GABRA2: variants seen among roughly 807,000 people sequenced by gnomAD.
GABRA2 encodes the protein gamma-aminobutyric acid receptor subunit alpha-2.
In GABRA2, 16 loss-of-function variants were observed where a neutral mutation model predicts 48.7. That is an observed-to-expected ratio of 0.33 (90% CI 0.22 to 0.50). GABRA2 has a LOEUF of 0.50. Among genes scored for constraint, GABRA2 ranks in the 20% least tolerant of loss-of-function variants. The pLI is 0.98. For synonymous variants in GABRA2, 185 were observed against 184.5 expected, an observed-to-expected ratio of 1.00 and a Z score of -0.02; for missense variants, 275 against 535.6, an observed-to-expected ratio of 0.51 and a Z score of 4.80.
intron 3 of GABRA2, among the ~76,000 whole-genome samples, chr4:46,338,373 A>G (rs1732626363): frequency 6.6e-6 from 1 of 151,936 alleles, no homozygotes; most frequent in Non-Finnish European, 1.5e-5. Flanking sequence ...TAAAGTTTCT[A>G]AGTACATAAT....
chr4:46,244,123 A>C lies in GABRA2; in HGVS notation c.*6185T>G, dbSNP rs1396960482. The C allele has an allele frequency of 1.3e-5, 2 of 151,566 alleles. No homozygotes were observed. Among genetic ancestry groups the C allele is most frequent in the Admixed American group, 6.6e-5 (1 of 15,152 alleles). 9.4% of individuals were successfully genotyped at this position (151,566 alleles called of 1,614,324 possible). On this transcript the variant is annotated 3_prime_UTR_variant, in exon 10 of 10. Coordinates refer to ENST00000381620, the MANE Select transcript of GABRA2 (RefSeq NM_000807.4). Reference sequence around the variant, plus strand: ...AATAAGGACTTAACTGTGGATGGTAAAGTTTAATTCATGAGAATTGTGGCT... The same window carrying C: ...AATAAGGACTTAACTGTGGATGGTACAGTTTAATTCATGAGAATTGTGGCT...
intron 4 of GABRA2, among the ~76,000 whole-genome samples, chr4:46,323,173 G>A (rs1007385594): frequency 1.3e-5 from 2 of 151,884 alleles, no homozygotes; most frequent in African/African-American, 4.8e-5. Flanking sequence ...TGGGCATATC[G>A]CTATAACTTT....
intron 3 of GABRA2, chr4:46,368,301 A>T (rs955739354): frequency 4.6e-5 from 7 of 152,154 alleles, no homozygotes; most frequent in African/African-American, 1.4e-4. Context: ...TGGGGGACAG[A>T]GGCCTCTCTT....
Position 46,243,882 on chromosome 4 carries a change from C to A in GABRA2, c.*6426G>T, listed in dbSNP as rs1285426464. 1.3e-5 allele frequency: 2 copies of A among 151,562 alleles called. No individual in the cohort carries two copies. The highest frequency in any genetic ancestry group is 2.0e-4 in the East Asian group (1 of 5,124). 9.4% of individuals were successfully genotyped at this position (151,562 alleles called of 1,614,324 possible). A position where few individuals can be genotyped will look rare whatever the true frequency, so the allele number is the denominator to read the frequency against. On this transcript the variant is annotated 3_prime_UTR_variant, in exon 10 of 10. Coordinates refer to ENST00000381620, the MANE Select transcript of GABRA2 (RefSeq NM_000807.4). ...TGTAGCAAAGGAAAAATACTTTATT[C>A]CTTTTATTTTCTATTCAAATGTAGC...
chr4:46,259,531 T>C (rs1266754416), intron 9 of GABRA2, among the ~76,000 whole-genome samples: 2 of 152,048 alleles, frequency 1.3e-5, no homozygotes, highest in Middle Eastern at 3.4e-3. Context: ...ACATGTAATA[T>C]GTCGAGTGTG....
chr4:46,257,338 G>A (rs919028365), intron 9 of GABRA2, among the ~76,000 whole-genome samples: 2 of 151,586 alleles, frequency 1.3e-5, no homozygotes, highest in African/African-American at 4.8e-5. Flanking sequence ...TGCAAGAGGG[G>A]TCAGCAGGTC....
At chr4:46,325,148 T>C (rs1308470738) in intron 4 of GABRA2, among the ~76,000 whole-genome samples, 1 of 152,024 alleles carries the variant, frequency 6.6e-6, no homozygotes, top group Non-Finnish European at 1.5e-5. Flanking sequence ...TGTTTTAAGT[T>C]CTTTCTGAAA....
intron 8 of GABRA2, among the ~76,000 whole-genome samples, chr4:46,290,557 T>A (rs1295763745): frequency 6.6e-6 from 1 of 152,140 alleles, no homozygotes; most frequent in Non-Finnish European, 1.5e-5. Context: ...TTTCTTAAAT[T>A]TCTTTTGAAT....
intron 2 of GABRA2, among the ~76,000 whole-genome samples, chr4:46,387,789 G>T (rs1043251762): frequency 1.3e-5 from 2 of 151,924 alleles, no homozygotes; most frequent in Non-Finnish European, 2.9e-5. Flanking sequence ...AGTTAAAAGA[G>T]AAATAAAGGT....
intron 4 of GABRA2, among the ~76,000 whole-genome samples, chr4:46,318,504 T>C (rs1728917903): frequency 6.6e-6 from 1 of 151,688 alleles, no homozygotes; most frequent in South Asian, 2.1e-4. Context: ...CCTTAAATGC[T>C]TGTAAAATGC....
At chr4:46,288,969 G>A (rs556135769) in intron 8 of GABRA2, among the ~76,000 whole-genome samples, 12 of 152,076 alleles carry the variant, frequency 7.9e-5, no homozygotes, top group African/African-American at 2.7e-4. Flanking sequence ...TAACATCATT[G>A]ATGATTAGAG....
rs1560621187 is a variant in GABRA2, at chr4:46,389,800, T to TGGGA, written c.-80_-77dup. 9 of 601,174 alleles carry TGGGA rather than the reference T, an allele frequency of 1.5e-5. No homozygotes were observed. In the East Asian group the frequency reaches 1.9e-3, roughly 129 times the overall value. The allele number at this position is 601,174 out of a possible 1,614,324, so 37.2% of individuals were successfully genotyped here. On this transcript the variant is annotated 5_prime_UTR_variant, in exon 1 of 10. Coordinates refer to ENST00000381620, the MANE Select transcript of GABRA2 (RefSeq NM_000807.4). ...CCTGATCTTGACGAGATAGGAAACTTGGGAGAGAGAGAGAGAGAGAGAGAG... is the reference window on the plus strand; with the variant it reads ...CCTGATCTTGACGAGATAGGAAACTTGGGAGGGAGAGAGAGAGAGAGAGAGAGAG...
At chr4:46,276,524 T>A (rs1320406631) in intron 8 of GABRA2, among the ~76,000 whole-genome samples, 1 of 151,236 alleles carries the variant, frequency 6.6e-6, no homozygotes, top group East Asian at 2.0e-4. Flanking sequence ...CCTCAAGTTC[T>A]GATGGAGATT....
rs1296086766 is a variant in GABRA2, at chr4:46,244,532, TC to T, written c.*5775del. ...ATCCCACCGGTGGCATCCCTTGGGA[TC>T]AATTCAGGCGTCATTCTATAAACGG... On this transcript the variant is annotated 3_prime_UTR_variant, in exon 10 of 10. Transcript: ENST00000381620. 2.6e-5 allele frequency among the ~76,000 whole-genome samples: 4 copies of T among 151,622 alleles called. No homozygotes were observed. In the South Asian group the frequency reaches 6.2e-4, roughly 24 times the overall value.
intron 4 of GABRA2, among the ~76,000 whole-genome samples, chr4:46,331,385 G>A (rs1337912325): frequency 6.6e-6 from 1 of 152,084 alleles, no homozygotes; most frequent in Non-Finnish European, 1.5e-5. Flanking sequence ...AGCATATTTT[G>A]TAACATAAAA....
chr4:46,287,338 T>C (rs1045317237), intron 8 of GABRA2, among the ~76,000 whole-genome samples: 6 of 151,996 alleles, frequency 3.9e-5, no homozygotes, highest in African/African-American at 1.4e-4. Context: ...TGGTTCTACA[T>C]GAATTTAACC....
chr4:46,337,420 T>C (rs545349486), intron 3 of GABRA2, among the ~76,000 whole-genome samples: 1 of 152,146 alleles, frequency 6.6e-6, no homozygotes, highest in South Asian at 2.1e-4. Context: ...AATGAGGTTG[T>C]AAAGAAAGGC....
intron 3 of GABRA2, among the ~76,000 whole-genome samples, chr4:46,336,200 C>T (rs1024460576): frequency 6.6e-6 from 1 of 152,064 alleles, no homozygotes; most frequent in South Asian, 2.1e-4. Flanking sequence ...TGTAGAATAT[C>T]GATCTTTTTC....
intron 9 of GABRA2, chr4:46,256,401 A>T (rs1715841559): frequency 1.9e-6 from 1 of 520,480 alleles, no homozygotes; most frequent in African/African-American, 2.0e-5. Context: ...TATGAAATCC[A>T]TTATTGCGTT....
Sources: allele counts gnomAD v4.1 joint callset (sites outside exome capture counted in the v4.1 genomes callset), GRCh38; gene constraint gnomAD v4.1.1; transcripts MANE v1.5; gene names NCBI Gene and HGNC (gene_info 2026-07-23, HGNC 2026-07-21).